The following ARAP2 variants were observed in gnomAD, a reference collection of about 807,000 sequenced individuals.
The protein encoded by ARAP2 is ArfGAP with RhoGAP domain, ankyrin repeat and PH domain 2.
A neutral mutation model predicts 194.5 loss-of-function variants in ARAP2; 148 were observed. The ratio of observed to expected loss-of-function variants is 0.76; its 90% CI spans 0.67 to 0.87. The LOEUF (loss-of-function observed/expected upper bound fraction) is 0.87. Ranked by LOEUF, ARAP2 falls within the 40% of genes least tolerant of loss-of-function variation. The probability of loss-of-function intolerance (pLI) is 0.00; values close to 1 mark genes in which losing one functional copy is unlikely to be tolerated. For missense variants in ARAP2, 2,128 were observed against 1,989.7 expected (o/e 1.07, Z -1.32); for synonymous variants, 695 against 683.5 (o/e 1.02, Z -0.26).
chr4:36,206,964 C>T (rs956350158), intron 6 of ARAP2, among the ~76,000 whole-genome samples: 1 of 152,210 alleles, frequency 6.6e-6, no homozygotes, highest in Non-Finnish European at 1.5e-5. Flanking sequence ...TATAAAGATG[C>T]TCTGTGTGTT....
rs768229026 is a variant in ARAP2, at chr4:36,148,408, G to A, written c.2997C>T (p.Ala999=). The stretch of plus-strand genomic sequence containing the variant: ...CAGTAACATAATATTTAAATACCTT[G>A]GCTATTGCCTCTGTCCATTTTCTTT... ...QAQRKWTEAI[A]KHFVPLFAEN... is the part of the protein sequence containing the mutation. Residue 999 remains alanine, a synonymous_variant, in exon 17 of 33, where the codon GCC becomes GCT. Transcript: ENST00000303965. 6.2e-7 allele frequency: 1 copy of A among 1,609,734 alleles called. No individual in the cohort carries two copies. The highest frequency in any genetic ancestry group is 1.1e-5 in the South Asian group (1 of 90,814).
At chr4:36,231,520 G>A (rs1397969361) in intron 1 of ARAP2, among the ~76,000 whole-genome samples, 2 of 152,026 alleles carry the variant, frequency 1.3e-5, no homozygotes, top group Non-Finnish European at 2.9e-5. Context: ...GGAACAATAA[G>A]TGGACATAAT....
chr4:36,078,484 C>A (rs922939645), intron 31 of ARAP2, among the ~76,000 whole-genome samples: 1 of 152,116 alleles, frequency 6.6e-6, no homozygotes. Flanking sequence ...TGTATGTCTA[C>A]GCTTTTAACA....
At position 36,183,298 on chromosome 4, in the gene ARAP2, A is replaced by AG. The variant is rs569512091; in HGVS notation, c.1678+4152_1678+4153insC. Among the ~76,000 whole-genome samples, 4 of 2,786 alleles carry AG rather than the reference A, an allele frequency of 1.4e-3. No individual in the cohort carries two copies. The East Asian group carries it at 0.29, about 199-fold the overall frequency. 1.8% of individuals were successfully genotyped at this position (2,786 alleles called of 152,430 possible). A position where few individuals can be genotyped will look rare whatever the true frequency, so the allele number is the denominator to read the frequency against. ...GTTCTTTTTAAAATTTTTTTTAATTAAAAAAAAAGACTTTTCCATATCAGT... is the reference window on the plus strand; with the variant it reads ...GTTCTTTTTAAAATTTTTTTTAATTAGAAAAAAAAGACTTTTCCATATCAGT... On this transcript the variant is annotated intron_variant, in intron 8 of 32. Coordinates refer to ENST00000303965, the MANE Select transcript of ARAP2 (RefSeq NM_015230.4).
intron 6 of ARAP2, among the ~76,000 whole-genome samples, chr4:36,016,712 G>A (rs566928753): frequency 8.5e-5 from 13 of 152,196 alleles, no homozygotes; most frequent in South Asian, 2.1e-4. Flanking sequence ...CATGCGTTAC[G>A]TTAAAAATAT....
chr4:36,205,141 C>A (rs1745283694), intron 6 of ARAP2, among the ~76,000 whole-genome samples: 2 of 149,782 alleles, frequency 1.3e-5, no homozygotes, highest in Admixed American at 1.3e-4. Context: ...TATAGTTATA[C>A]TATAAAACAA....
At chr4:36,033,011 T>C (rs921149695) in intron 5 of ARAP2, among the ~76,000 whole-genome samples, 1 of 152,222 alleles carries the variant, frequency 6.6e-6, no homozygotes, top group Non-Finnish European at 1.5e-5. Context: ...TGATCTCATT[T>C]TTTTGTGGCT....
At chr4:36,068,623 G>A (rs1726079246) in intron 32 of ARAP2, among the ~76,000 whole-genome samples, 1 of 152,150 alleles carries the variant, frequency 6.6e-6, no homozygotes. Flanking sequence ...TCGTGATGAT[G>A]GGCAGTGGCA....
At chr4:36,059,101 G>A (rs1171906460) in intron 1 of ARAP2, among the ~76,000 whole-genome samples, 1 of 152,064 alleles carries the variant, frequency 6.6e-6, no homozygotes, top group Non-Finnish European at 1.5e-5. Flanking sequence ...GAGGCAGAGT[G>A]TTTAAAAAAT....
intron 31 of ARAP2, among the ~76,000 whole-genome samples, chr4:36,079,390 G>T (rs1728997149): frequency 6.6e-6 from 1 of 151,988 alleles, no homozygotes; most frequent in African/African-American, 2.4e-5. Flanking sequence ...GAACAAATAA[G>T]AACTAGATTT....
In ARAP2 at chr4:36,042,456, T is replaced by C. The variant is rs148087193; in HGVS notation, n.607+3523A>G. ...ATAAAATGCTTAATGTGATGGACTT[T>C]AACCTTATGGGACTTAACACAATTA... On this transcript the variant is annotated intron_variant and non_coding_transcript_variant, in intron 5 of 12. Transcript: ENST00000503225. Among the ~76,000 whole-genome samples, 260 of 152,356 alleles carry C rather than the reference T, an allele frequency of 1.7e-3. 2 individuals carry two copies. The highest frequency in any genetic ancestry group is 3.4e-3 in the Middle Eastern group (1 of 294).
intron 27 of ARAP2, among the ~76,000 whole-genome samples, chr4:36,092,357 C>A (rs1448997797): frequency 1.3e-5 from 2 of 152,104 alleles, no homozygotes; most frequent in African/African-American, 4.8e-5. Context: ...CACCTGTAAT[C>A]CTAGCACTTT....
chr4:36,085,508 C>T (rs1422371285), intron 28 of ARAP2, among the ~76,000 whole-genome samples: 1 of 152,004 alleles, frequency 6.6e-6, no homozygotes, highest in Non-Finnish European at 1.5e-5. Flanking sequence ...TCTAACATAA[C>T]ATTTTTTACC....
chr4:36,220,905 G>A (rs996584209), intron 2 of ARAP2, among the ~76,000 whole-genome samples: 1 of 151,942 alleles, frequency 6.6e-6, no homozygotes, highest in African/African-American at 2.4e-5. Flanking sequence ...AAAAAGTATT[G>A]CTATAAATCT....
At chr4:36,045,765 C>A (rs1389467020) in intron 5 of ARAP2, among the ~76,000 whole-genome samples, 1 of 152,086 alleles carries the variant, frequency 6.6e-6, no homozygotes, top group African/African-American at 2.4e-5. Flanking sequence ...CTGATTTGAT[C>A]ATTCTAAAAC....
At chr4:36,147,501 C>T (rs1185455211) in intron 18 of ARAP2, 47 bp downstream of exon 18, 4 of 1,581,930 alleles carry the variant, frequency 2.5e-6, no homozygotes, top group Non-Finnish European at 3.4e-6. Flanking sequence ...CTATTGTATG[C>T]AATAAAGAAA....
chr4:36,023,105 C>G (rs1387293906), intron 5 of ARAP2, among the ~76,000 whole-genome samples: 3 of 152,140 alleles, frequency 2.0e-5, no homozygotes, highest in Admixed American at 2.0e-4. Context: ...TTGTCCTTAA[C>G]CCACTCAAAA....
intron 19 of ARAP2, among the ~76,000 whole-genome samples, chr4:36,146,542 T>A (rs1251170334): frequency 6.6e-6 from 1 of 151,944 alleles, no homozygotes; most frequent in Non-Finnish European, 1.5e-5. Flanking sequence ...CACAACACAC[T>A]CTTAGCGTTT....
chr4:36,027,763 T>C (rs913042235), intron 5 of ARAP2, among the ~76,000 whole-genome samples: 1 of 152,120 alleles, frequency 6.6e-6, no homozygotes, highest in East Asian at 1.9e-4. Flanking sequence ...GGATAATTAG[T>C]GACAGAGCCA....
Sources: allele counts gnomAD v4.1 joint callset (sites outside exome capture counted in the v4.1 genomes callset), GRCh38; gene constraint gnomAD v4.1.1; transcripts MANE v1.5; gene names NCBI Gene and HGNC (gene_info 2026-07-23, HGNC 2026-07-21).